ARHGAP42: variants seen among roughly 807,000 people sequenced by gnomAD.
ARHGAP42 encodes rho GTPase-activating protein 42.
Under a neutral mutation model 125.0 loss-of-function variants are expected in ARHGAP42, and 63 were observed. The observed-to-expected ratio is 0.50, with a 90% CI of 0.41 to 0.62. The LOEUF is 0.62. Ranked by LOEUF, ARHGAP42 falls within the 20% of genes least tolerant of loss-of-function variation. ARHGAP42 has a pLI of 0.00. For synonymous variants in ARHGAP42, 339 were observed against 351.0 expected (o/e 0.97, Z 0.38); for missense variants, 766 against 1,024.2 (o/e 0.75, Z 3.44).
Position 100,699,816 on chromosome 11 carries a change from C to T in ARHGAP42, c.154+11984C>T, listed in dbSNP as rs187311035. ...GGGATTACAGGCATGAGCCACCACG[C>T]TTGGTGATTCTCTTATAATTCTTGA... On this transcript the variant is annotated intron_variant, in intron 1 of 23. Coordinates refer to ENST00000298815, the MANE Select transcript of ARHGAP42 (RefSeq NM_152432.4). Among the ~76,000 whole-genome samples, 479 of 152,182 alleles carry T rather than the reference C, an allele frequency of 3.1e-3. 3 individuals carry two copies. Among genetic ancestry groups the T allele is most frequent in the African/African-American group, 0.011 (454 of 41,514 alleles).
chr11:100,762,970 ATT>A (rs553749625), intron 1 of ARHGAP42, among the ~76,000 whole-genome samples: 99 of 84,996 alleles, frequency 1.2e-3, no homozygotes, highest in African/African-American at 3.5e-3. Flanking sequence ...GTTTATAGTG[ATT>A]TTTTTTTTTT....
intron 3 of ARHGAP42, among the ~76,000 whole-genome samples, chr11:100,836,055 TAAAG>T (rs1864780627): frequency 6.6e-6 from 1 of 152,044 alleles, no homozygotes; most frequent in African/African-American, 2.4e-5. Context: ...TCACACTTAA[TAAAG>T]AGTTTCAAGT....
intron 1 of ARHGAP42, among the ~76,000 whole-genome samples, chr11:100,725,817 C>T (rs11224412): frequency 0.47 from 70,788 of 151,114 alleles, 17,373 homozygotes; most frequent in African/African-American, 0.63. Flanking sequence ...CGCCTGTAGT[C>T]CCAGCTACTC....
At chr11:100,843,789 A>T (rs1270004364) in intron 3 of ARHGAP42, among the ~76,000 whole-genome samples, 1 of 152,162 alleles carries the variant, frequency 6.6e-6, no homozygotes, top group African/African-American at 2.4e-5. Context: ...CTGCTGAAAG[A>T]AGTCATAGAC....
chr11:100,992,385 A>G lies in ARHGAP42; in HGVS notation c.*3584A>G, dbSNP rs1484295185. The G allele has an allele frequency of 5.6e-6, 9 of 1,614,060 alleles. No individual in the cohort carries two copies. The highest frequency in any genetic ancestry group is 7.6e-6 in the Non-Finnish European group (9 of 1,179,946). The stretch of plus-strand genomic sequence containing the variant: ...CACGAAAAAGAACACAGGCTTGACT[A>G]TTGTCCAGAAGTTACTTTCCCCTTG... On this transcript the variant is annotated 3_prime_UTR_variant, in exon 24 of 24. Coordinates refer to ENST00000298815, the MANE Select transcript of ARHGAP42 (RefSeq NM_152432.4).
chr11:100,864,320 G>A (rs879687408), intron 4 of ARHGAP42, among the ~76,000 whole-genome samples: 19 of 151,994 alleles, frequency 1.3e-4, no homozygotes, highest in Middle Eastern at 3.2e-3. Flanking sequence ...AAGTAGCTGG[G>A]ACTACAGGCG....
intron 1 of ARHGAP42, among the ~76,000 whole-genome samples, chr11:100,757,960 C>G (rs1862614048): frequency 6.6e-6 from 1 of 152,138 alleles, no homozygotes; most frequent in Non-Finnish European, 1.5e-5. Flanking sequence ...TATTTCCAAT[C>G]TTTAAGAGAA....
chr11:100,980,102 A>G (rs750736890), intron 22 of ARHGAP42, among the ~76,000 whole-genome samples: 8 of 152,146 alleles, frequency 5.3e-5, no homozygotes, highest in Admixed American at 1.3e-4. Flanking sequence ...AGGTTTTTTT[A>G]ACTGCAGAGA....
chr11:100,972,505 T>C (rs1858274422), intron 17 of ARHGAP42, among the ~76,000 whole-genome samples: 1 of 149,076 alleles, frequency 6.7e-6, no homozygotes, highest in Non-Finnish European at 1.5e-5. Context: ...AGGGAGGTAC[T>C]CAGGGAAGTT....
intron 1 of ARHGAP42, among the ~76,000 whole-genome samples, chr11:100,745,044 G>C (rs1862270116): frequency 6.6e-6 from 1 of 152,142 alleles, no homozygotes; most frequent in African/African-American, 2.4e-5. Flanking sequence ...GGGATGAGTG[G>C]TTTGGTGGAA....
At chr11:100,715,790 A>G (rs1376078266) in intron 1 of ARHGAP42, among the ~76,000 whole-genome samples, 2 of 152,216 alleles carry the variant, frequency 1.3e-5, no homozygotes, top group Non-Finnish European at 2.9e-5. Flanking sequence ...ACTGTATTCT[A>G]CTTCACATTA....
At chr11:100,828,036 G>A (rs1398600976) in intron 3 of ARHGAP42, among the ~76,000 whole-genome samples, 1 of 152,188 alleles carries the variant, frequency 6.6e-6, no homozygotes, top group East Asian at 1.9e-4. Context: ...GCAGGTGAAG[G>A]ACTGCTGCCT....
intron 3 of ARHGAP42, among the ~76,000 whole-genome samples, chr11:100,845,632 A>G (rs1865047874): frequency 6.6e-6 from 1 of 152,206 alleles, no homozygotes; most frequent in Non-Finnish European, 1.5e-5. Context: ...AACACACTTG[A>G]ATAAAGGCTG....
rs1017188730 is a variant in ARHGAP42 at position 100,794,477 on chromosome 11, G to C, written c.251-628G>C. On this transcript the variant is annotated intron_variant, in intron 2 of 23. Transcript: ENST00000298815. ...TACCAGAGGATCTTGTTAAAATGCA[G>C]ATTCTGGGGTGGGGCCTGAGAGTCT... is the stretch of plus-strand genomic sequence containing the variant. Among the ~76,000 whole-genome samples the C allele has an allele frequency of 2.0e-5, 3 of 152,170 alleles. 1 individual carries two copies. In the South Asian group the frequency reaches 6.2e-4, roughly 31 times the overall value.
In ARHGAP42 at chr11:100,779,560, A is replaced by G. The variant is rs5026193; in HGVS notation, c.250+9122A>G. ...TATACGTATATATATACATATACAT[A>G]CGTATATATACGTATATATACATAT... On this transcript the variant is annotated intron_variant, in intron 2 of 23. Transcript: ENST00000298815. Among the ~76,000 whole-genome samples the G allele has an allele frequency of 1.1e-3, 138 of 129,252 alleles. 1 individual carries two copies. Among genetic ancestry groups the G allele is most frequent in the African/African-American group, 2.7e-3 (97 of 35,562 alleles). The allele number at this position is 129,252 out of a possible 152,430, so 84.8% of individuals were successfully genotyped here.
chr11:100,781,100 A>G (rs1399422365), intron 2 of ARHGAP42, among the ~76,000 whole-genome samples: 6 of 152,148 alleles, frequency 3.9e-5, no homozygotes, highest in Non-Finnish European at 8.8e-5. Context: ...AACTTATGTT[A>G]AATATACTGT....
chr11:100,711,407 T>A (rs79903058), intron 1 of ARHGAP42, among the ~76,000 whole-genome samples: 16,073 of 152,224 alleles, frequency 0.11, 963 homozygotes, highest in East Asian at 0.26. Context: ...CATGCTGGAG[T>A]GCAGTGGTGA....
At chr11:100,965,869 G>A (rs1858077348) in intron 17 of ARHGAP42, 93 bp downstream of exon 17, 2 of 1,122,980 alleles carry the variant, frequency 1.8e-6, no homozygotes, top group South Asian at 3.1e-5. Flanking sequence ...TTATAACATT[G>A]GTATTATAAT....
intron 1 of ARHGAP42, among the ~76,000 whole-genome samples, chr11:100,705,903 T>C (rs755289603): frequency 6.6e-6 from 1 of 152,066 alleles, no homozygotes; most frequent in Non-Finnish European, 1.5e-5. Context: ...CTGTAGACCA[T>C]GTATCATTGC....
Sources: gnomAD v4.1 joint callset for allele counts (sites outside exome capture counted in the v4.1 genomes callset) on GRCh38, gnomAD v4.1.1 for gene constraint, MANE v1.5 for transcripts, NCBI Gene and HGNC (gene_info 2026-07-23, HGNC 2026-07-21) for gene names.